ADCY10: variants seen among roughly 807,000 people sequenced by gnomAD.
ADCY10 encodes adenylate cyclase type 10.
A neutral mutation model predicts 183.3 loss-of-function variants in ADCY10; 156 were observed. The ratio of observed to expected loss-of-function variants is 0.85; its 90% CI spans 0.75 to 0.97. The LOEUF (loss-of-function observed/expected upper bound fraction) is 0.97. Among genes scored for constraint, ADCY10 ranks in the 50% least tolerant of loss-of-function variants. The pLI, the probability that ADCY10 is intolerant of heterozygous loss-of-function variation, is 0.00. For synonymous variants in ADCY10, 645 were observed against 670.0 expected (o/e 0.96, Z 0.58); for missense variants, 1,745 against 1,934.3 (o/e 0.90, Z 1.84).
At position 167,837,287 on chromosome 1, in the gene ADCY10, C is replaced by T. The variant is rs1664284764; in HGVS notation, c.3039G>A (p.Glu1013=). ...GAAAAAATGCAGATGTCTCAGGAAT[C>T]TCTGAGTTGGACAAGATAAGCTTTT... The part of the protein sequence containing the change: ...TEEKLILSNS[E]IPETSAFFPE... The change falls in exon 22 of 33, where the codon GAG becomes GAA. Residue 1013 remains glutamate, a synonymous_variant. Coordinates refer to ENST00000367851, the MANE Select transcript of ADCY10 (RefSeq NM_018417.6). 1.2e-6 allele frequency: 2 copies of T among 1,614,104 alleles called. No homozygotes were observed. Among genetic ancestry groups the T allele is most frequent in the South Asian group, 1.1e-5 (1 of 91,078 alleles).
At chr1:167,871,131 C>T (rs573982565) in intron 13 of ADCY10, among the ~76,000 whole-genome samples, 173 of 151,808 alleles carry the variant, frequency 1.1e-3, no homozygotes, top group Non-Finnish European at 2.1e-3. Flanking sequence ...TAGACTATTA[C>T]ATTAGGAAAT....
intron 5 of ADCY10, among the ~76,000 whole-genome samples, chr1:167,900,323 T>C (rs1372125610): frequency 1.3e-5 from 2 of 152,174 alleles, no homozygotes; most frequent in African/African-American, 2.4e-5. Flanking sequence ...ATACAGTTTG[T>C]TTTCTATCTG....
At chr1:167,852,246 C>G (rs1056247600) in intron 18 of ADCY10, among the ~76,000 whole-genome samples, 15 of 152,052 alleles carry the variant, frequency 9.9e-5, no homozygotes, top group African/African-American at 3.6e-4. Flanking sequence ...AGTTCAAGAC[C>G]AGCCTGGCCA....
chr1:167,840,301 G>T lies in ADCY10; in HGVS notation c.3008-2983C>A, dbSNP rs144928722. The stretch of plus-strand genomic sequence containing the variant: ...GGATAGATAAAGCAAATAGAATCAG[G>T]GCATATGAGGTATGCTCTTTGTCAT... On this transcript the variant is annotated intron_variant, in intron 21 of 32. Coordinates refer to ENST00000367851, the MANE Select transcript of ADCY10 (RefSeq NM_018417.6). Among the ~76,000 whole-genome samples, 3 of 151,924 alleles carry T rather than the reference G, an allele frequency of 2.0e-5. No individual in the cohort carries two copies. The East Asian group carries it at 5.8e-4, about 29-fold the overall frequency.
At chr1:167,832,875 A>G in intron 25 of ADCY10, 112 bp downstream of exon 25, 1 of 1,124,940 alleles carries the variant, frequency 8.9e-7, no homozygotes, top group South Asian at 1.3e-5. Context: ...AGAGCCAAAC[A>G]GGAGTCCTTG....
intron 25 of ADCY10, among the ~76,000 whole-genome samples, chr1:167,830,363 T>C (rs1202224780): frequency 6.6e-6 from 1 of 151,668 alleles, no homozygotes; most frequent in Non-Finnish European, 1.5e-5. Context: ...GATACCTGTC[T>C]TGGGTACTTT....
At chr1:167,833,625 A>T (rs1198831034) in intron 24 of ADCY10, among the ~76,000 whole-genome samples, 1 of 151,982 alleles carries the variant, frequency 6.6e-6, no homozygotes, top group Non-Finnish European at 1.5e-5. Context: ...CATGCCTGTA[A>T]TCCCAGCTAC....
intron 14 of ADCY10, 38 bp downstream of exon 14, chr1:167,870,219 T>C (rs1666999833): frequency 1.2e-6 from 2 of 1,612,604 alleles, no homozygotes; most frequent in East Asian, 4.5e-5. Flanking sequence ...ATCAGGATTC[T>C]ATGGGTTCAC....
At chr1:167,818,017 G>A in intron 31 of ADCY10, 55 bp downstream of exon 31, 1 of 1,509,038 alleles carries the variant, frequency 6.6e-7, no homozygotes, top group South Asian at 1.1e-5. Flanking sequence ...ACAGGAAGTA[G>A]ACAGAGATCC....
chr1:167,867,905 T>C (rs1666820026), intron 14 of ADCY10, among the ~76,000 whole-genome samples: 1 of 152,164 alleles, frequency 6.6e-6, no homozygotes, highest in Admixed American at 6.5e-5. Context: ...AAAGACCCTG[T>C]TTAGCTCCAA....
intron 13 of ADCY10, among the ~76,000 whole-genome samples, chr1:167,873,849 C>A (rs575435735): frequency 6.6e-6 from 1 of 152,228 alleles, no homozygotes; most frequent in Admixed American, 6.5e-5. Flanking sequence ...AATTTGATTA[C>A]ATTAAAGTTA....
rs769970851 is a variant in ADCY10, at chr1:167,846,116, G to C, written c.2585C>G (p.Ala862Gly). The change falls in exon 20 of 33, where the codon GCA (alanine) becomes GGA (glycine). Residue 862 changes from alanine to glycine, a missense_variant. Transcript: ENST00000367851. ...WNMKMMIKTL[A>G]TLVESNIFYC... ...AAAAATGTTAGATTCCACTAGGGTTGCCAGGGTCTTGATCATCATCTTCAT... is the reference window on the plus strand; with the variant it reads ...AAAAATGTTAGATTCCACTAGGGTTCCCAGGGTCTTGATCATCATCTTCAT... 5.0e-6 allele frequency: 8 copies of C among 1,614,168 alleles called. No individual in the cohort carries two copies. Among genetic ancestry groups the C allele is most frequent in the Admixed American group, 3.3e-5 (2 of 60,016 alleles).
Position 167,834,314 on chromosome 1 carries a change from A to G in ADCY10, c.3310-237T>C, listed in dbSNP as rs1571251936. 21 of 578,190 alleles carry G rather than the reference A, an allele frequency of 3.6e-5. No homozygotes were observed. In the East Asian group the frequency reaches 3.8e-4, roughly 11 times the overall value. The allele number at this position is 578,190 out of a possible 1,614,324, so 35.8% of individuals were successfully genotyped here. A position where few individuals can be genotyped will look rare whatever the true frequency, so the allele number is the denominator to read the frequency against. ...TCTGCTGGATCACTCCATCAAGAGA[A>G]TGAATCTGGAAATCTCCACCTTTCT... is the stretch of plus-strand genomic sequence containing the variant. On this transcript the variant is annotated intron_variant, in intron 23 of 32. Transcript: ENST00000367851.
intron 21 of ADCY10, among the ~76,000 whole-genome samples, chr1:167,841,752 C>T (rs1664668769): frequency 6.6e-6 from 1 of 152,122 alleles, no homozygotes; most frequent in Non-Finnish European, 1.5e-5. Context: ...GGATTATAGG[C>T]ATGAGTCACT....
At chr1:167,881,266 T>C (rs1458789990) in intron 9 of ADCY10, among the ~76,000 whole-genome samples, 1 of 152,240 alleles carries the variant, frequency 6.6e-6, no homozygotes, top group African/African-American at 2.4e-5. Context: ...ATTTGTAGTA[T>C]TAGTCACTTA....
Position 167,878,589 on chromosome 1 carries a change from G to T in ADCY10, c.1263C>A (p.Tyr421Ter), listed in dbSNP as rs770888477. The T allele has an allele frequency of 3.1e-6, 5 of 1,614,016 alleles. No individual in the cohort carries two copies. Among genetic ancestry groups the T allele is most frequent in the Admixed American group, 1.7e-5 (1 of 60,006 alleles). ...CAGAGTCGCAGGTCACAATTCCTGG[G>T]TAGTACATCATCATCCTGGCAGCTA... ...VNLAARMMMYYPGIVTCDSVT... is the reference protein window; with the variant it reads ...VNLAARMMMY The change falls in exon 12 of 33, where the codon TAC becomes TAA. Residue 421 changes from tyrosine to a stop codon, truncating the protein, a stop_gained. Coordinates refer to ENST00000367851, the MANE Select transcript of ADCY10 (RefSeq NM_018417.6). LOFTEE classifies it high-confidence loss of function.
chr1:167,822,865 A>G (rs1157246601), intron 29 of ADCY10, 143 bp downstream of exon 29: 2 of 751,162 alleles, frequency 2.7e-6, no homozygotes, highest in East Asian at 5.4e-5. Flanking sequence ...CAGCTCACAC[A>G]ACCAGCCTCT....
chr1:167,879,504 C>G (rs1571383571), intron 11 of ADCY10, among the ~76,000 whole-genome samples: 1 of 152,090 alleles, frequency 6.6e-6, no homozygotes, highest in African/African-American at 2.4e-5. Context: ...CCCATCCCAA[C>G]AAGCCATTAG....
intron 1 of ADCY10, 82 bp downstream of exon 1, chr1:167,913,894 A>G (rs534941070): frequency 1.3e-5 from 2 of 152,428 alleles, no homozygotes; most frequent in South Asian, 4.2e-4. Flanking sequence ...CTCCTCTGCA[A>G]TAGCTGTCTT....
Sources: gnomAD v4.1 joint callset for allele counts (sites outside exome capture counted in the v4.1 genomes callset) on GRCh38, gnomAD v4.1.1 for gene constraint, MANE v1.5 for transcripts, NCBI Gene and HGNC (gene_info 2026-07-23, HGNC 2026-07-21) for gene names.